Variants in ATG10 observed in about 807,000 individuals in gnomAD.
ATG10 encodes ubiquitin-like-conjugating enzyme ATG10.
In ATG10, 30 loss-of-function variants were observed where a neutral mutation model predicts 32.1. The ratio of observed to expected loss-of-function variants is 0.94; its 90% CI spans 0.70 to 1.27. The LOEUF is 1.27. Ranked by LOEUF, ATG10 falls within the 50% of genes most tolerant of loss-of-function variation. ATG10 has a pLI of 0.00. For synonymous variants in ATG10, 87 were observed against 91.5 expected (o/e 0.95, Z 0.28); for missense variants, 233 against 262.3 (o/e 0.89, Z 0.77).
rs1445297678 is a variant in ATG10, at chr5:82,140,356, C to T, written c.217-24043C>T. On this transcript the variant is annotated intron_variant, in intron 3 of 7. Transcript: ENST00000282185. The stretch of plus-strand genomic sequence containing the variant: ...AGCCCCTCTGCCCGGCCAGCCGCCC[C>T]GTCCGGGAGGGAGGTGGGGGTGTCA... Among the ~76,000 whole-genome samples the T allele has an allele frequency of 7.3e-3, 30 of 4,122 alleles. 3 individuals are homozygous for T. Among genetic ancestry groups the T allele is most frequent in the African/African-American group, 0.017 (26 of 1,568 alleles). The allele number at this position is 4,122 out of a possible 152,430, so 2.7% of individuals were successfully genotyped here.
At chr5:82,060,853 G>GA (rs375876470) in intron 3 of ATG10, among the ~76,000 whole-genome samples, 47 of 144,366 alleles carry the variant, frequency 3.3e-4, no homozygotes, top group East Asian at 1.2e-3. Flanking sequence ...CCTTGTCTGG[G>GA]AAAAAAAAAA....
intron 5 of ATG10, among the ~76,000 whole-genome samples, chr5:82,241,803 G>A (rs1341170374): frequency 2.7e-5 from 4 of 150,748 alleles, no homozygotes; most frequent in East Asian, 3.9e-4. Flanking sequence ...TCCTCCATTT[G>A]ACTCTCTTTA....
At chr5:82,094,631 G>C (rs911311992) in intron 3 of ATG10, among the ~76,000 whole-genome samples, 3 of 151,976 alleles carry the variant, frequency 2.0e-5, no homozygotes, top group Non-Finnish European at 4.4e-5. Flanking sequence ...TTTAAAAAGT[G>C]TTTAAAAAGT....
chr5:82,146,550 G>C (rs1048950097), intron 3 of ATG10, among the ~76,000 whole-genome samples: 1 of 150,072 alleles, frequency 6.7e-6, no homozygotes, highest in Non-Finnish European at 1.5e-5. Context: ...GACTCCAGTT[G>C]TCTATATGTC....
intron 2 of ATG10, among the ~76,000 whole-genome samples, chr5:82,023,539 A>G (rs532778480): frequency 6.6e-6 from 1 of 152,382 alleles, no homozygotes; most frequent in African/African-American, 2.4e-5. Context: ...AACTAAAATG[A>G]GTAAAATTAT....
chr5:82,155,503 A>G (rs1445265333), intron 3 of ATG10, among the ~76,000 whole-genome samples: 1 of 152,186 alleles, frequency 6.6e-6, no homozygotes, highest in East Asian at 1.9e-4. Flanking sequence ...CTTTGTTTAC[A>G]TGTTGCCAGT....
intron 5 of ATG10, among the ~76,000 whole-genome samples, chr5:82,209,033 T>A (rs186450942): frequency 9.2e-5 from 14 of 152,180 alleles, no homozygotes; most frequent in Admixed American, 4.6e-4. Context: ...TGGGAAGGGA[T>A]CTTTTTTTTT....
chr5:82,021,165 T>A (rs922782863), intron 2 of ATG10, among the ~76,000 whole-genome samples: 14 of 152,118 alleles, frequency 9.2e-5, no homozygotes, highest in Non-Finnish European at 2.1e-4. Flanking sequence ...CAGTAGGTAA[T>A]GTGTAAATTT....
At chr5:82,217,094 C>T (rs1319294555) in intron 5 of ATG10, among the ~76,000 whole-genome samples, 1 of 151,352 alleles carries the variant, frequency 6.6e-6, no homozygotes, top group Non-Finnish European at 1.5e-5. Context: ...ACTATCTTCT[C>T]TTTTTACTTG....
intron 3 of ATG10, among the ~76,000 whole-genome samples, chr5:82,063,960 A>G (rs565123862): frequency 1.3e-5 from 2 of 152,302 alleles, no homozygotes; most frequent in South Asian, 4.1e-4. Flanking sequence ...AAACCTGAAC[A>G]TGTACCCTGA....
intron 5 of ATG10, among the ~76,000 whole-genome samples, chr5:82,204,960 G>GA (rs201648040): frequency 6.6e-6 from 1 of 152,056 alleles, no homozygotes. Flanking sequence ...AAAATGAAAG[G>GA]AAAAAATAGC....
At position 82,146,346 on chromosome 5, in the gene ATG10, A is replaced by G. The variant is rs549401680; in HGVS notation, c.217-18053A>G. 2.0e-5 allele frequency among the ~76,000 whole-genome samples: 3 copies of G among 152,030 alleles called. No individual in the cohort carries two copies. The South Asian group carries it at 6.2e-4, about 32-fold the overall frequency. On this transcript the variant is annotated intron_variant, in intron 3 of 7. Transcript: ENST00000282185. ...TATTGTTTTTCTCTGGCTAATTTCA[A>G]TATTTTCTCTTTAGTTGTGGTTTTC... is the stretch of plus-strand genomic sequence containing the variant.
chr5:81,979,047 A>T (rs1760953185), intron 1 of ATG10, among the ~76,000 whole-genome samples: 1 of 151,964 alleles, frequency 6.6e-6, no homozygotes, highest in South Asian at 2.1e-4. Context: ...CTACAGGTGC[A>T]CATCACTGCA....
chr5:82,077,499 C>T (rs1415008215), intron 3 of ATG10, among the ~76,000 whole-genome samples: 1 of 152,006 alleles, frequency 6.6e-6, no homozygotes, highest in Non-Finnish European at 1.5e-5. Context: ...AACTCAGTAT[C>T]CATTACTTTA....
intron 3 of ATG10, among the ~76,000 whole-genome samples, chr5:82,102,026 C>T (rs1765291365): frequency 6.6e-6 from 1 of 152,196 alleles, no homozygotes; most frequent in Admixed American, 6.5e-5. Context: ...CACATACTGA[C>T]TTCACACACT....
intron 2 of ATG10, among the ~76,000 whole-genome samples, chr5:82,006,702 A>G (rs1278282080): frequency 6.6e-6 from 1 of 152,184 alleles, no homozygotes; most frequent in African/African-American, 2.4e-5. Context: ...CACTTTAAGT[A>G]TACAGTACGG....
At chr5:82,009,604 G>A in intron 2 of ATG10, 1 of 1,586,598 alleles carries the variant, frequency 6.3e-7, no homozygotes, top group Non-Finnish European at 8.6e-7. Context: ...ACTTATTCGA[G>A]TTGTCCACAG....
rs542599641 is a variant in ATG10 at position 82,000,991 on chromosome 5, C to G, written c.108+13313C>G. On this transcript the variant is annotated intron_variant, in intron 2 of 7. Transcript: ENST00000282185. ...TAGCATTTCTATGCACCAACAATAT[C>G]CAAGCTGAGAGCCAAATCAAGAATG... Among the ~76,000 whole-genome samples the G allele has an allele frequency of 1.2e-3, 177 of 152,182 alleles. 2 individuals are homozygous for G. In the Middle Eastern group the frequency reaches 0.017, roughly 15 times the overall value.
chr5:82,089,729 A>T (rs1471463216), intron 3 of ATG10, among the ~76,000 whole-genome samples: 2 of 152,148 alleles, frequency 1.3e-5, no homozygotes, highest in East Asian at 3.8e-4. Context: ...CATGATCCAT[A>T]AAAAGAAAAA....
Sources: gnomAD v4.1 joint callset for allele counts (sites outside exome capture counted in the v4.1 genomes callset) on GRCh38, gnomAD v4.1.1 for gene constraint, MANE v1.5 for transcripts, NCBI Gene and HGNC (gene_info 2026-07-23, HGNC 2026-07-21) for gene names.